The following PAK5 variants were observed in gnomAD, a reference collection of about 807,000 sequenced individuals.
PAK5 encodes p21 (RAC1) activated kinase 5.
PAK5 carries 16 observed loss-of-function variants against 65.9 expected under a neutral mutation model. The observed-to-expected ratio is 0.24, with a 90% CI of 0.16 to 0.37. The LOEUF (loss-of-function observed/expected upper bound fraction) is 0.37, where lower values mean the gene tolerates loss of function less well. Ranked by LOEUF, PAK5 falls within the 10% of genes least tolerant of loss-of-function variation. The probability of loss-of-function intolerance (pLI) is 1.00; values close to 1 mark genes in which losing one functional copy is unlikely to be tolerated. For missense variants in PAK5, 785 were observed against 903.9 expected (o/e 0.87, Z 1.69); for synonymous variants, 371 against 354.9 (o/e 1.05, Z -0.51).
rs145085606 is a variant in PAK5 at position 9,600,051 on chromosome 20, C to T, written c.205-19121G>A. ...ATGGTATAAGATAAGGGGCCACCTT[C>T]ATTTTTTAGGCTGTTGGGTATCCAG... On this transcript the variant is annotated intron_variant, in intron 3 of 9. Coordinates refer to ENST00000353224, the MANE Select transcript of PAK5 (RefSeq NM_177990.4). Among the ~76,000 whole-genome samples, 401 of 152,212 alleles carry T rather than the reference C, an allele frequency of 2.6e-3. 3 individuals carry two copies. The highest frequency in any genetic ancestry group is 4.2e-3 in the Non-Finnish European group (288 of 67,994).
chr20:9,738,895 G>GT (rs36025576), intron 1 of PAK5, among the ~76,000 whole-genome samples: 103,080 of 151,696 alleles, frequency 0.68, 35,283 homozygotes, highest in South Asian at 0.84. Flanking sequence ...TAAACATTCA[G>GT]TTTTTTAGCT....
At chr20:9,828,937 C>T (rs1054603232) in intron 1 of PAK5, among the ~76,000 whole-genome samples, 1 of 152,060 alleles carries the variant, frequency 6.6e-6, no homozygotes, top group Admixed American at 6.6e-5. Context: ...TGCAGAAAGT[C>T]TTCTTGGTTC....
intron 4 of PAK5, 49 bp from the exon 5 acceptor site, chr20:9,566,433 G>A (rs1386043445): frequency 2.4e-5 from 38 of 1,560,042 alleles, no homozygotes; most frequent in Non-Finnish European, 3.1e-5. Context: ...GGATCTGAAT[G>A]CCACAGCCGA....
At chr20:9,559,191 C>T (rs756886472) in intron 6 of PAK5, among the ~76,000 whole-genome samples, 1 of 152,018 alleles carries the variant, frequency 6.6e-6, no homozygotes, top group African/African-American at 2.4e-5. Context: ...CTTCCCTATC[C>T]CATGTTAAAT....
At chr20:9,807,762 A>AAATAATAATAATAATAATAAT (rs71184158) in intron 1 of PAK5, among the ~76,000 whole-genome samples, 3,523 of 142,278 alleles carry the variant, frequency 0.025, 69 homozygotes, top group African/African-American at 0.027. Context: ...AGCAAAAAAT[A>AAATAATAATAATAATAATAAT]AATAATAATA....
At chr20:9,744,040 C>A (rs138715365) in intron 1 of PAK5, among the ~76,000 whole-genome samples, 59 of 152,246 alleles carry the variant, frequency 3.9e-4, no homozygotes, top group Non-Finnish European at 4.0e-4. Context: ...TTGAAGACTG[C>A]AGGATGTGGC....
intron 1 of PAK5, among the ~76,000 whole-genome samples, chr20:9,767,490 T>C (rs77410415): frequency 0.03 from 4,496 of 152,310 alleles, 205 homozygotes; most frequent in African/African-American, 0.1. Context: ...CTATTATTTG[T>C]CTATGTTTCT....
At chr20:9,558,060 A>T (rs1397234265) in intron 6 of PAK5, among the ~76,000 whole-genome samples, 3 of 150,844 alleles carry the variant, frequency 2.0e-5, no homozygotes, top group African/African-American at 2.4e-5. Context: ...TCATTCATTC[A>T]TTCATTCATT....
At chr20:9,708,689 A>C (rs1215161863) in intron 2 of PAK5, among the ~76,000 whole-genome samples, 1 of 152,014 alleles carries the variant, frequency 6.6e-6, no homozygotes, top group Non-Finnish European at 1.5e-5. Flanking sequence ...TGGCTGCTGG[A>C]GTTTTCTTGG....
intron 3 of PAK5, among the ~76,000 whole-genome samples, chr20:9,632,860 G>C (rs1569010633): frequency 6.6e-6 from 1 of 152,240 alleles, no homozygotes; most frequent in East Asian, 1.9e-4. Flanking sequence ...AGGAGGCACA[G>C]TGATGTGGTG....
intron 2 of PAK5, among the ~76,000 whole-genome samples, chr20:9,662,881 C>G (rs1013167283): frequency 2.6e-5 from 4 of 152,102 alleles, no homozygotes; most frequent in African/African-American, 9.7e-5. Flanking sequence ...TAAGGTCACT[C>G]AGCTAGCTAG....
At chr20:9,788,812 C>G (rs1275802313) in intron 1 of PAK5, among the ~76,000 whole-genome samples, 1 of 152,116 alleles carries the variant, frequency 6.6e-6, no homozygotes, top group Admixed American at 6.6e-5. Context: ...ACCCCCACCT[C>G]CAAGAAGCAG....
At position 9,763,777 on chromosome 20, in the gene PAK5, A is replaced by C. The variant is rs568537864; in HGVS notation, c.-161-52342T>G. On this transcript the variant is annotated intron_variant, in intron 1 of 9. Coordinates refer to ENST00000353224, the MANE Select transcript of PAK5 (RefSeq NM_177990.4). Reference sequence around the variant, plus strand: ...AAGAATTAATGCCCAGACAACCTTCACCTAGATTCTTCAAAGATTAACATT... The same window carrying C: ...AAGAATTAATGCCCAGACAACCTTCCCCTAGATTCTTCAAAGATTAACATT... Among the ~76,000 whole-genome samples the C allele has an allele frequency of 5.1e-4, 77 of 152,284 alleles. 2 individuals are homozygous for C. The South Asian group carries it at 7.5e-3, about 15-fold the overall frequency.
At chr20:9,714,167 AG>A (rs2048113056) in intron 1 of PAK5, among the ~76,000 whole-genome samples, 4 of 152,196 alleles carry the variant, frequency 2.6e-5, no homozygotes, top group African/African-American at 9.6e-5. Context: ...GAAATCCCAG[AG>A]CCCGGGTATT....
At chr20:9,678,719 C>T (rs2047609049) in intron 2 of PAK5, among the ~76,000 whole-genome samples, 2 of 152,154 alleles carry the variant, frequency 1.3e-5, no homozygotes, top group South Asian at 4.2e-4. Flanking sequence ...TTCACATGGA[C>T]AGAGAAGTGC....
chr20:9,543,933 A>G lies in PAK5; in HGVS notation c.1869+436T>C, dbSNP rs141627123. ...GTGTAGGTCCTTCACTGTGAGATGT[A>G]AACTGTGTTGAAAACAGTGGGTCAT... is the stretch of plus-strand genomic sequence containing the variant. On this transcript the variant is annotated intron_variant, in intron 8 of 9. Coordinates refer to ENST00000353224, the MANE Select transcript of PAK5 (RefSeq NM_177990.4). Among the ~76,000 whole-genome samples the G allele has an allele frequency of 3.8e-3, 576 of 152,118 alleles. 2 individuals carry two copies. Among genetic ancestry groups the G allele is most frequent in the African/African-American group, 0.013 (557 of 41,484 alleles).
chr20:9,718,006 T>C (rs2048170500), intron 1 of PAK5, among the ~76,000 whole-genome samples: 1 of 151,728 alleles, frequency 6.6e-6, no homozygotes, highest in South Asian at 2.1e-4. Flanking sequence ...ATTCATGATA[T>C]GCATTCAAAA....
chr20:9,798,690 T>G (rs376936329), intron 1 of PAK5, among the ~76,000 whole-genome samples: 15 of 152,286 alleles, frequency 9.8e-5, no homozygotes, highest in African/African-American at 3.6e-4. Flanking sequence ...TAGTGTTTTA[T>G]GTACATTTAA....
intron 1 of PAK5, among the ~76,000 whole-genome samples, chr20:9,787,987 G>GC (rs923230900): frequency 3.3e-5 from 5 of 151,384 alleles, no homozygotes; most frequent in Non-Finnish European, 4.4e-5. Flanking sequence ...GTGTGTTGGG[G>GC]GGGGTATGTG....
Sources: allele counts gnomAD v4.1 joint callset (sites outside exome capture counted in the v4.1 genomes callset), GRCh38; gene constraint gnomAD v4.1.1; transcripts MANE v1.5; gene names NCBI Gene and HGNC (gene_info 2026-07-23, HGNC 2026-07-21).